Variants in ATP13A3 observed in about 807,000 individuals in gnomAD.
The protein encoded by ATP13A3 is ATPase 13A3.
ATP13A3 carries 59 observed loss-of-function variants against 158.1 expected under a neutral mutation model. That is an observed-to-expected ratio of 0.37 (90% CI 0.30 to 0.46). The LOEUF (loss-of-function observed/expected upper bound fraction) is 0.46. Ranked by LOEUF, ATP13A3 falls within the 20% of genes least tolerant of loss-of-function variation. The pLI, the probability that ATP13A3 is intolerant of heterozygous loss-of-function variation, is 1.00. For missense variants in ATP13A3, 1,166 were observed against 1,525.2 expected (o/e 0.76, Z 3.92); for synonymous variants, 491 against 504.3 (o/e 0.97, Z 0.35).
chr3:194,480,159 A>G (rs1392925251), intron 2 of ATP13A3, among the ~76,000 whole-genome samples: 1 of 152,164 alleles, frequency 6.6e-6, no homozygotes, highest in Non-Finnish European at 1.5e-5. Flanking sequence ...TTATCCTTAC[A>G]ATTCTCTAAG....
Position 194,475,495 on chromosome 3 carries a change from CT to C in ATP13A3, c.-47+10298del, listed in dbSNP as rs1720486436. On this transcript the variant is annotated intron_variant, in intron 2 of 33. Transcript: ENST00000645319. ...AGTTACATGAATTTGGGTTTTTCTACTTGAGTCCTTTGTCTAATCTGAAACC... is the reference window on the plus strand; with the variant it reads ...AGTTACATGAATTTGGGTTTTTCTACTGAGTCCTTTGTCTAATCTGAAACC... 2.0e-5 allele frequency among the ~76,000 whole-genome samples: 3 copies of C among 152,164 alleles called. No homozygotes were observed. The South Asian group carries it at 6.2e-4, about 31-fold the overall frequency.
intron 33 of ATP13A3, among the ~76,000 whole-genome samples, chr3:194,407,593 A>C (rs879422933): frequency 2.7e-4 from 41 of 152,178 alleles, no homozygotes; most frequent in Non-Finnish European, 1.8e-4. Context: ...TCAATGTTAA[A>C]GGTCTGCTAG....
chr3:194,423,349 T>C (rs1334534618), intron 30 of ATP13A3, among the ~76,000 whole-genome samples: 2 of 152,246 alleles, frequency 1.3e-5, no homozygotes, highest in African/African-American at 2.4e-5. Flanking sequence ...AAAATACTTT[T>C]AATATATTAC....
chr3:194,430,272 C>G lies in ATP13A3; in HGVS notation c.2667+1G>C, dbSNP rs1243985307. 1 of 1,613,778 alleles carries G rather than the reference C, an allele frequency of 6.2e-7. No homozygotes were observed. The highest frequency in any genetic ancestry group is 8.5e-7 in the Non-Finnish European group (1 of 1,179,778). On this transcript the variant is annotated splice_donor_variant, in intron 25 of 33. Transcript: ENST00000645319. LOFTEE classifies it high-confidence loss of function. ...AACTAAATCACAAAAACTATACTTACACCACAATCATTTGCGCCATCACCA... is the reference window on the plus strand; with the variant it reads ...AACTAAATCACAAAAACTATACTTAGACCACAATCATTTGCGCCATCACCA...
At chr3:194,484,117 C>T (rs1173423755) in intron 2 of ATP13A3, among the ~76,000 whole-genome samples, 1 of 152,058 alleles carries the variant, frequency 6.6e-6, no homozygotes, top group African/African-American at 2.4e-5. Context: ...TGTTATGTTG[C>T]CTAGTCACAT....
chr3:194,449,874 T>A (rs534669438), intron 11 of ATP13A3, among the ~76,000 whole-genome samples: 51 of 152,146 alleles, frequency 3.4e-4, no homozygotes, highest in African/African-American at 1.2e-3. Flanking sequence ...AAAGGCCGCC[T>A]TTCCACTTCC....
chr3:194,440,347 T>C (rs1188765238), intron 16 of ATP13A3, among the ~76,000 whole-genome samples: 2 of 152,184 alleles, frequency 1.3e-5, no homozygotes, highest in African/African-American at 2.4e-5. Flanking sequence ...GAGCAAAGGC[T>C]GCTGACATGA....
chr3:194,439,891 AG>A (rs1438749602), intron 16 of ATP13A3, among the ~76,000 whole-genome samples: 1 of 152,224 alleles, frequency 6.6e-6, no homozygotes, highest in African/African-American at 2.4e-5. Context: ...GTTGGAGAAA[AG>A]CTTAGAGAAG....
chr3:194,435,753 A>C (rs1717586926), intron 20 of ATP13A3, among the ~76,000 whole-genome samples: 1 of 152,170 alleles, frequency 6.6e-6, no homozygotes, highest in Non-Finnish European at 1.5e-5. Flanking sequence ...CCTAAAATAC[A>C]AAAATTAGCC....
In ATP13A3 at chr3:194,454,385, T is replaced by C. The variant is rs1560101607; in HGVS notation, c.638A>G (p.Asn213Ser). ...VFKLLIKEVL[N>S]PFYIFQLFSV... ...GAACAGCTGGAAAATGTAAAATGGG[T>C]TGAGAACCTAAAAAACAAGATTTTA... Residue 213 changes from asparagine to serine, a missense_variant, in exon 9 of 34, where the codon AAC becomes AGC. By Grantham distance (46) the Asn-to-Ser change is conservative (BLOSUM62 1). Coordinates refer to ENST00000645319, the MANE Select transcript of ATP13A3 (RefSeq NM_001367549.1). 8 of 1,610,140 alleles carry C rather than the reference T, an allele frequency of 5.0e-6. No homozygotes were observed. Among genetic ancestry groups the C allele is most frequent in the Non-Finnish European group, 5.9e-6 (7 of 1,177,586 alleles).
intron 31 of ATP13A3, among the ~76,000 whole-genome samples, chr3:194,417,301 G>A (rs1715919171): frequency 6.6e-6 from 1 of 151,866 alleles, no homozygotes; most frequent in Non-Finnish European, 1.5e-5. Context: ...GCAGGTGCCA[G>A]CTACTCGTGA....
chr3:194,462,348 C>T lies in ATP13A3; in HGVS notation c.-46-112G>A, dbSNP rs566931178. ...CAAGGGGTCCCCAACCCCTGGGTCA[C>T]GGACCTGTTAGGAACAGGGCCACAC... On this transcript the variant is annotated intron_variant, in intron 2 of 33. Transcript: ENST00000645319. 8.8e-5 allele frequency: 59 copies of T among 671,084 alleles called. No individual in the cohort carries two copies. The South Asian group carries it at 9.6e-4, about 11-fold the overall frequency. The allele number at this position is 671,084 out of a possible 1,614,324, so 41.6% of individuals were successfully genotyped here.
rs1270917117 is a variant in ATP13A3, at chr3:194,428,914, A to C, written c.2878T>G (p.Leu960Val). 6.4e-7 allele frequency: 1 copy of C among 1,565,862 alleles called. No individual in the cohort carries two copies. Among genetic ancestry groups the C allele is most frequent in the African/African-American group, 1.4e-5 (1 of 73,278 alleles). Residue 960 changes from leucine (L) to valine (V), a missense_variant, in exon 28 of 34, where the codon TTA (leucine) becomes GTA (valine). Coordinates refer to ENST00000645319, the MANE Select transcript of ATP13A3 (RefSeq NM_001367549.1). ...AACTGGAAGTCTCCTAGGTTACTTA[A>C]GATCTACAGAAGTAATTTTAAAAAC... ...YFSVTLLYSI[L>V]SNLGDFQFLF...
chr3:194,480,682 T>C (rs1000147145), intron 2 of ATP13A3, among the ~76,000 whole-genome samples: 4 of 152,180 alleles, frequency 2.6e-5, no homozygotes, highest in Admixed American at 1.3e-4. Flanking sequence ...AATACCTAAG[T>C]TATTTCTCCA....
rs73069201 is a variant in ATP13A3, at chr3:194,424,405, C to T, written c.3313+937G>A. ...TGAGATCAGATTGTAATCTTACCTG[C>T]ACAAAATATAAAGTAATAAAACTTG... On this transcript the variant is annotated intron_variant, in intron 30 of 33. Coordinates refer to ENST00000645319, the MANE Select transcript of ATP13A3 (RefSeq NM_001367549.1). The T allele has an allele frequency of 1.2e-3, 177 of 151,984 alleles. 1 individual carries two copies. Among genetic ancestry groups the T allele is most frequent in the African/African-American group, 4.0e-3 (165 of 41,454 alleles). The allele number at this position is 151,984 out of a possible 1,614,324, so 9.4% of individuals were successfully genotyped here.
chr3:194,494,134 A>G lies in ATP13A3; in HGVS notation n.662T>C, dbSNP rs1047500456. The G allele has an allele frequency of 3.0e-5, 12 of 398,574 alleles. No individual in the cohort carries two copies. Among genetic ancestry groups the G allele is most frequent in the African/African-American group, 2.3e-4 (11 of 48,722 alleles). 24.7% of individuals were successfully genotyped at this position (398,574 alleles called of 1,614,324 possible). A position where few individuals can be genotyped will look rare whatever the true frequency, so the allele number is the denominator to read the frequency against. On this transcript the variant is annotated non_coding_transcript_exon_variant, in exon 2 of 33. Transcript: ENST00000687055. This position sits in a 1 kb window ranked among gnomAD's most constrained non-coding sequence, Gnocchi z 4.2. Reference sequence around the variant, plus strand: ...ACTATAACCAAATGAAGCCAGAGTGATTCACCAGAATGAGTTCATCTCGCA... The same window carrying G: ...ACTATAACCAAATGAAGCCAGAGTGGTTCACCAGAATGAGTTCATCTCGCA...
In ATP13A3 at chr3:194,430,963, T is replaced by C. The variant is rs1717174650; in HGVS notation, c.2604A>G (p.Ile868Met). 1.9e-6 allele frequency: 3 copies of C among 1,612,456 alleles called. No homozygotes were observed. In the African/African-American group the frequency reaches 4.0e-5, roughly 21 times the overall value. Residue 868 changes from isoleucine (I) to methionine (M), a missense_variant, in exon 24 of 34, where the codon ATA becomes ATG. Ile to Met is a conservative substitution (Grantham distance 10). Coordinates refer to ENST00000645319, the MANE Select transcript of ATP13A3 (RefSeq NM_001367549.1). Reference sequence around the variant, plus strand: ...CTTACTCAACATTTTGCAATGCTTCTATCAACTGTGTCTTCTGATCAGGTG... The same window carrying C: ...CTTACTCAACATTTTGCAATGCTTCCATCAACTGTGTCTTCTGATCAGGTG... ...RMAPDQKTQL[I>M]EALQNVDYFV...
chr3:194,424,538 T>C (rs1177917181), intron 30 of ATP13A3: 1 of 152,190 alleles, frequency 6.6e-6, no homozygotes, highest in Admixed American at 6.5e-5. Context: ...TCCTATGACA[T>C]ACCGATACCT....
chr3:194,422,547 T>C (rs984296179), intron 30 of ATP13A3, among the ~76,000 whole-genome samples: 1 of 152,152 alleles, frequency 6.6e-6, no homozygotes, highest in East Asian at 1.9e-4. Context: ...AAGGATTCTG[T>C]AGGAAATAAG....
Sources: allele counts gnomAD v4.1 joint callset (sites outside exome capture counted in the v4.1 genomes callset), GRCh38; gene constraint gnomAD v4.1.1; non-coding constraint Gnocchi (gnomAD v3.1); transcripts MANE v1.5; gene names NCBI Gene and HGNC (gene_info 2026-07-23, HGNC 2026-07-21).